The following TAF11 variants were observed in gnomAD, a reference collection of about 807,000 sequenced individuals.
The protein encoded by TAF11 is TATA-box binding protein associated factor 11.
Under a neutral mutation model 23.0 loss-of-function variants are expected in TAF11, and 10 were observed. The ratio of observed to expected loss-of-function variants is 0.43; its 90% CI spans 0.27 to 0.74. The LOEUF (loss-of-function observed/expected upper bound fraction) is 0.74, where lower values mean the gene tolerates loss of function less well. Ranked by LOEUF, TAF11 falls within the 30% of genes least tolerant of loss-of-function variation. TAF11 has a pLI of 0.19. For synonymous variants in TAF11, 85 were observed against 95.8 expected (o/e 0.89, Z 0.66); for missense variants, 196 against 261.7 (o/e 0.75, Z 1.73).
Position 34,880,028 on chromosome 6 carries a change from C to G in TAF11, c.444G>C (p.Gln148His). 2 of 1,614,158 alleles carry G rather than the reference C, an allele frequency of 1.2e-6. No individual in the cohort carries two copies. Among genetic ancestry groups the G allele is most frequent in the Middle Eastern group, 1.6e-4 (1 of 6,062 alleles). Residue 148 changes from glutamine (Q) to histidine (H), a missense_variant, in exon 4 of 5, where the codon CAG (glutamine) becomes CAC (histidine). By Grantham distance (24) the Gln-to-His change is conservative (BLOSUM62 0). Coordinates refer to ENST00000361288, the MANE Select transcript of TAF11 (RefSeq NM_005643.4). The surrounding 1 kb of genome is among the most constrained non-coding windows in gnomAD (Gnocchi z 4.8). ...IQSITGTSVS[Q>H]NVVIAMSGIS... Reference sequence around the variant, plus strand: ...TACCAGACATAGCAATAACAACATTCTGAGACACAGAGGTGCCAGTGATGG... The same window carrying G: ...TACCAGACATAGCAATAACAACATTGTGAGACACAGAGGTGCCAGTGATGG...
Position 34,880,156 on chromosome 6 carries a change from CTG to C in TAF11, c.409-95_409-94del, listed in dbSNP as rs1766395832. On this transcript the variant is annotated intron_variant, in intron 3 of 4. Transcript: ENST00000361288. The surrounding 1 kb of genome is among the most constrained non-coding windows in gnomAD (Gnocchi z 4.8). Reference sequence around the variant, plus strand: ...TAATTCACAGAAAAAGGTAAGATAACTGAAGTGCATTTTTTTTCCCACCTAAA... The same window carrying C: ...TAATTCACAGAAAAAGGTAAGATAACAAGTGCATTTTTTTTCCCACCTAAA... 4.6e-6 allele frequency: 7 copies of C among 1,529,834 alleles called. No homozygotes were observed. In the South Asian group the frequency reaches 6.8e-5, roughly 15 times the overall value. The allele number at this position is 1,529,834 out of a possible 1,614,324, so 94.8% of individuals were successfully genotyped here. A position where few individuals can be genotyped will look rare whatever the true frequency, so the allele number is the denominator to read the frequency against.
chr6:34,882,256 C>G (rs541771322), intron 2 of TAF11, among the ~76,000 whole-genome samples: 1 of 147,110 alleles, frequency 6.8e-6, no homozygotes. Context: ...GAGAATCGCT[C>G]GAAACCAGAA....
chr6:34,888,038 A>T lies in TAF11; in HGVS notation c.-81T>A. The T allele has an allele frequency of 6.4e-7, 1 of 1,569,106 alleles. No homozygotes were observed. Reference sequence around the variant, plus strand: ...GGAAACCCGAGCTGCACAGGCCAGGATCTTACTTCCTGTCGTCGCGCAGCG... The same window carrying T: ...GGAAACCCGAGCTGCACAGGCCAGGTTCTTACTTCCTGTCGTCGCGCAGCG... On this transcript the variant is annotated 5_prime_UTR_variant, in exon 1 of 5. Coordinates refer to ENST00000361288, the MANE Select transcript of TAF11 (RefSeq NM_005643.4).
In TAF11 at chr6:34,877,857, G is replaced by A. The variant is rs1464576915; in HGVS notation, c.*733C>T. On this transcript the variant is annotated 3_prime_UTR_variant, in exon 5 of 5. Coordinates refer to ENST00000361288, the MANE Select transcript of TAF11 (RefSeq NM_005643.4). The stretch of plus-strand genomic sequence containing the variant: ...AATGTTTACAAGCACCAATTATTCT[G>A]CTATTCCTGCCATTACCGCATCCTT... The A allele has an allele frequency of 1.3e-5, 2 of 152,144 alleles. No individual in the cohort carries two copies. The highest frequency in any genetic ancestry group is 6.5e-5 in the Admixed American group (1 of 15,274). The allele number at this position is 152,144 out of a possible 1,614,324, so 9.4% of individuals were successfully genotyped here.
rs11537996 is a variant in TAF11, at chr6:34,880,008, G to A, written c.464C>T (p.Ser155Phe). 262 of 1,613,992 alleles carry A rather than the reference G, an allele frequency of 1.6e-4. No individual in the cohort carries two copies. The highest frequency in any genetic ancestry group is 2.1e-4 in the Non-Finnish European group (253 of 1,180,032). ...SVSQNVVIAM[S>F]GISKVFVGEV... ...CCCGACGAAAACCTTGGAAATACCA[G>A]ACATAGCAATAACAACATTCTGAGA... Residue 155 changes from serine (S) to phenylalanine (F), a missense_variant, in exon 4 of 5, where the codon TCT (serine) becomes TTT (phenylalanine). Physicochemically the swap from Ser to Phe is radical, Grantham distance 155. Transcript: ENST00000361288. The surrounding 1 kb of genome is among the most constrained non-coding windows in gnomAD (Gnocchi z 4.8).
At chr6:34,882,670 C>A (rs530688372) in intron 2 of TAF11, among the ~76,000 whole-genome samples, 196 of 150,604 alleles carry the variant, frequency 1.3e-3, no homozygotes, top group Admixed American at 3.1e-3. Flanking sequence ...AAAAAAAAAA[C>A]ATAACATAAC....
At chr6:34,883,215 AC>A in intron 1 of TAF11, 135 bp from the exon 2 acceptor site, 1 of 813,116 alleles carries the variant, frequency 1.2e-6, no homozygotes, top group Non-Finnish European at 1.9e-6. Context: ...CACTGACTGT[AC>A]CATCAAGGAT....
At chr6:34,881,476 C>T (rs1766423146) in intron 2 of TAF11, among the ~76,000 whole-genome samples, 1 of 152,018 alleles carries the variant, frequency 6.6e-6, no homozygotes, top group South Asian at 2.1e-4. Flanking sequence ...CTTTTACAAT[C>T]AGAAAATGTA....
intron 4 of TAF11, chr6:34,879,276 G>T: frequency 1.8e-6 from 1 of 542,446 alleles, no homozygotes; most frequent in Non-Finnish European, 2.3e-6. Flanking sequence ...CCAGCTACTT[G>T]GGAGGCTGAG....
In TAF11 at chr6:34,888,041, T is replaced by A; in HGVS notation, c.-84A>T. On this transcript the variant is annotated 5_prime_UTR_variant, in exon 1 of 5. It adds an upstream start codon to the 5' untranslated region. Coordinates refer to ENST00000361288, the MANE Select transcript of TAF11 (RefSeq NM_005643.4). ...AACCCGAGCTGCACAGGCCAGGATC[T>A]TACTTCCTGTCGTCGCGCAGCGATG... 6.4e-7 allele frequency: 1 copy of A among 1,562,352 alleles called. No individual in the cohort carries two copies. Among genetic ancestry groups the A allele is most frequent in the Non-Finnish European group, 8.6e-7 (1 of 1,157,520 alleles).
At chr6:34,885,339 C>T (rs1009095243) in intron 1 of TAF11, among the ~76,000 whole-genome samples, 1 of 151,792 alleles carries the variant, frequency 6.6e-6, no homozygotes, top group Non-Finnish European at 1.5e-5. Context: ...TGGCCAAATC[C>T]CATATACTTT....
Position 34,878,154 on chromosome 6 carries a change from A to G in TAF11, c.*436T>C. 6.3e-6 allele frequency: 1 copy of G among 158,332 alleles called. No individual in the cohort carries two copies. 9.8% of individuals were successfully genotyped at this position (158,332 alleles called of 1,614,324 possible). Reference sequence around the variant, plus strand: ...GTAGTCCTAGCTACTCAGGAGACTGAGGTGGGAGGGTCACTTAAGCCCAGG... The same window carrying G: ...GTAGTCCTAGCTACTCAGGAGACTGGGGTGGGAGGGTCACTTAAGCCCAGG... On this transcript the variant is annotated 3_prime_UTR_variant, in exon 5 of 5. Transcript: ENST00000361288.
chr6:34,883,186 G>A, intron 1 of TAF11, 106 bp from the exon 2 acceptor site: 1 of 1,228,592 alleles, frequency 8.1e-7, no homozygotes, highest in Non-Finnish European at 1.1e-6. Context: ...CATTTATTGA[G>A]TAGTTTTTCA....
chr6:34,878,333 C>G lies in TAF11; in HGVS notation c.*257G>C. On this transcript the variant is annotated 3_prime_UTR_variant, in exon 5 of 5. Transcript: ENST00000361288. ...CTGTCCAGAAGATGCTTATGGCCCA[C>G]GTATCTTCTTCCAACTGGTCAAGAC... 2.4e-6 allele frequency: 1 copy of G among 424,818 alleles called. No individual in the cohort carries two copies. Among genetic ancestry groups the G allele is most frequent in the Non-Finnish European group, 4.3e-6 (1 of 234,772 alleles). The allele number at this position is 424,818 out of a possible 1,614,324, so 26.3% of individuals were successfully genotyped here. A position where few individuals can be genotyped will look rare whatever the true frequency, so the allele number is the denominator to read the frequency against.
chr6:34,883,089 A>T lies in TAF11; in HGVS notation c.172-9T>A, dbSNP rs1033036314. ...ACATCCTGACTCTCGAGCTGGGAAG[A>T]TGAAAGAAACTCTATTATATATTTG... is the stretch of plus-strand genomic sequence containing the variant. On this transcript the variant is annotated splice_polypyrimidine_tract_variant and intron_variant, in intron 1 of 4. Transcript: ENST00000361288. 2.5e-6 allele frequency: 4 copies of T among 1,606,018 alleles called. No homozygotes were observed. Among genetic ancestry groups the T allele is most frequent in the Non-Finnish European group, 3.4e-6 (4 of 1,178,192 alleles).
intron 1 of TAF11, among the ~76,000 whole-genome samples, chr6:34,886,896 G>A (rs1766537081): frequency 7.9e-5 from 12 of 152,150 alleles, no homozygotes; most frequent in Admixed American, 7.9e-4. Flanking sequence ...AAGACCCCAA[G>A]ATTCTACTTC....
chr6:34,888,002 G>T lies in TAF11; in HGVS notation c.-45C>A, dbSNP rs1766573975. 6.2e-7 allele frequency: 1 copy of T among 1,610,150 alleles called. No individual in the cohort carries two copies. ...GAGAGGAGATCGCGGAGATGCCTGA[G>T]GCAGAAGCTCGGAAACCCGAGCTGC... On this transcript the variant is annotated 5_prime_UTR_variant, in exon 1 of 5. Coordinates refer to ENST00000361288, the MANE Select transcript of TAF11 (RefSeq NM_005643.4).
At chr6:34,882,250 A>T (rs1450732193) in intron 2 of TAF11, among the ~76,000 whole-genome samples, 1 of 151,702 alleles carries the variant, frequency 6.6e-6, no homozygotes. Context: ...AGGCAGGAGA[A>T]TCGCTCGAAA....
Position 34,878,103 on chromosome 6 carries a change from T to G in TAF11, c.*487A>C, listed in dbSNP as rs1766342244. On this transcript the variant is annotated 3_prime_UTR_variant, in exon 5 of 5. Transcript: ENST00000361288. The stretch of plus-strand genomic sequence containing the variant: ...CATCTCCATAAAAAATAAAAATAAG[T>G]TAGCTGGGCACAGTAGTGTGTGCCT... 1 of 152,404 alleles carries G rather than the reference T, an allele frequency of 6.6e-6. No homozygotes were observed. The highest frequency in any genetic ancestry group is 1.5e-5 in the Non-Finnish European group (1 of 68,282). The allele number at this position is 152,404 out of a possible 1,614,324, so 9.4% of individuals were successfully genotyped here.
Sources: allele counts gnomAD v4.1 joint callset (sites outside exome capture counted in the v4.1 genomes callset), GRCh38; gene constraint gnomAD v4.1.1; non-coding constraint Gnocchi (gnomAD v3.1); transcripts MANE v1.5; gene names NCBI Gene and HGNC (gene_info 2026-07-23, HGNC 2026-07-21).